NREP: variants seen among roughly 807,000 people sequenced by gnomAD.
NREP encodes the protein neuronal regeneration related protein, also known as neuronal regeneration-related protein.
Under a neutral mutation model 8.6 loss-of-function variants are expected in NREP, and 5 were observed. That is an observed-to-expected ratio of 0.58 (90% CI 0.30 to 1.22). The LOEUF (loss-of-function observed/expected upper bound fraction) is 1.22. Ranked by LOEUF, NREP falls within the 50% of genes most tolerant of loss-of-function variation. NREP has a pLI of 0.07. For missense variants in NREP, 86 were observed against 82.5 expected (o/e 1.04, Z -0.17); for synonymous variants, 27 against 28.0 (o/e 0.96, Z 0.11).
chr5:111,759,175 C>G (rs1314685035), upstream of NREP, among the ~76,000 whole-genome samples: 2 of 152,144 alleles, frequency 1.3e-5, no homozygotes, highest in Non-Finnish European at 2.9e-5. Context: ...CAACACGCTG[C>G]TCAAGGGCAC....
At chr5:111,908,740 C>A (rs1207424206) in intron 2 of NREP, among the ~76,000 whole-genome samples, 1 of 151,914 alleles carries the variant, frequency 6.6e-6, no homozygotes, top group Non-Finnish European at 1.5e-5. Flanking sequence ...TAAACATACA[C>A]GTGAATGTAT....
At chr5:111,761,961 AG>A (rs1227843376), upstream of NREP, among the ~76,000 whole-genome samples, 5 of 152,184 alleles carry the variant, frequency 3.3e-5, no homozygotes, top group Non-Finnish European at 7.4e-5. Flanking sequence ...TTTCCAGGGA[AG>A]GTTATTCTGA....
chr5:111,790,347 C>CTTTTTTTTTTTTTTTTTTTTTTTTTTTTT (rs57775701), intron 2 of NREP, among the ~76,000 whole-genome samples: 17 of 59,594 alleles, frequency 2.9e-4, no homozygotes, highest in African/African-American at 3.5e-4. Context: ...AAAACCTTAA[C>CTTTTTTTTTTTTTTTTTTTTTTTTTTTTT]TTTTTTTTTT....
At chr5:111,967,542 G>C (rs1285365866) in intron 2 of NREP, among the ~76,000 whole-genome samples, 1 of 152,106 alleles carries the variant, frequency 6.6e-6, no homozygotes, top group Non-Finnish European at 1.5e-5. Flanking sequence ...TCACTTTTAT[G>C]ATTTTACCTT....
At position 111,847,283 on chromosome 5, in the gene NREP, T is replaced by C. The variant is rs552229035; in HGVS notation, c.136-111776A>G. Among the ~76,000 whole-genome samples, 201 of 152,260 alleles carry C rather than the reference T, an allele frequency of 1.3e-3. 2 individuals are homozygous for C. The highest frequency in any genetic ancestry group is 4.7e-3 in the African/African-American group (195 of 41,552). On this transcript the variant is annotated intron_variant, in intron 2 of 3. Coordinates refer to the NREP transcript ENST00000395634. ...TGAGGGTCCTCTTCCTGTTATATCC[T>C]TTCATGGCCTTTCCTTAGTGCATGC...
At chr5:111,759,964 C>G (rs1750923074), upstream of NREP, among the ~76,000 whole-genome samples, 1 of 152,210 alleles carries the variant, frequency 6.6e-6, no homozygotes, top group African/African-American at 2.4e-5. Flanking sequence ...TCATCTCTCT[C>G]TCAATCATAG....
chr5:111,820,027 C>T (rs1752480423), intron 2 of NREP, among the ~76,000 whole-genome samples: 1 of 152,128 alleles, frequency 6.6e-6, no homozygotes, highest in Non-Finnish European at 1.5e-5. Flanking sequence ...TTTTTGAGCT[C>T]TCCTCTCAAC....
In NREP at chr5:111,952,941, T is replaced by C. The variant is rs538427765; in HGVS notation, c.135+22333A>G. 4.6e-5 allele frequency among the ~76,000 whole-genome samples: 7 copies of C among 152,220 alleles called. No individual in the cohort carries two copies. The East Asian group carries it at 9.7e-4, about 21-fold the overall frequency. On this transcript the variant is annotated intron_variant, in intron 2 of 3. Transcript: ENST00000395634. ...TTTACTTGATACCTTGCTTGTACTGTTTTTACCACATGCATGCATTATTTG... is the reference window on the plus strand; with the variant it reads ...TTTACTTGATACCTTGCTTGTACTGCTTTTACCACATGCATGCATTATTTG...
At chr5:111,792,142 T>G (rs1320073945) in intron 2 of NREP, among the ~76,000 whole-genome samples, 1 of 152,216 alleles carries the variant, frequency 6.6e-6, no homozygotes, top group Non-Finnish European at 1.5e-5. Context: ...TTTGACAGGC[T>G]GACAATAAGA....
intron 2 of NREP, among the ~76,000 whole-genome samples, chr5:111,867,095 C>T (rs1472150094): frequency 3.3e-5 from 5 of 149,828 alleles, no homozygotes; most frequent in African/African-American, 7.4e-5. Context: ...TGTATACATA[C>T]GTAACTAACC....
chr5:111,743,801 G>A (rs1243069080), intron 2 of NREP, among the ~76,000 whole-genome samples: 5 of 152,028 alleles, frequency 3.3e-5, no homozygotes, highest in Non-Finnish European at 4.4e-5. Flanking sequence ...TTGCTATGCC[G>A]AGTTTCACCT....
At chr5:111,922,230 T>C (rs1755260168) in intron 2 of NREP, among the ~76,000 whole-genome samples, 1 of 152,134 alleles carries the variant, frequency 6.6e-6, no homozygotes, top group South Asian at 2.1e-4. Flanking sequence ...GTCATTTTTT[T>C]CTACCTTTCT....
intron 2 of NREP, among the ~76,000 whole-genome samples, chr5:111,753,342 A>G (rs1365688560): frequency 6.8e-6 from 1 of 147,324 alleles, no homozygotes; most frequent in Non-Finnish European, 1.5e-5. Context: ...ATATATATAT[A>G]TATATATATA....
intron 2 of NREP, among the ~76,000 whole-genome samples, chr5:111,768,537 C>A (rs1218119610): frequency 1.3e-5 from 2 of 152,086 alleles, no homozygotes; most frequent in African/African-American, 4.8e-5. Flanking sequence ...CTCTAGTAGT[C>A]CCTAGTGTCT....
intron 2 of NREP, among the ~76,000 whole-genome samples, chr5:111,824,965 T>C (rs916195488): frequency 2.6e-5 from 4 of 152,182 alleles, no homozygotes; most frequent in African/African-American, 9.7e-5. Context: ...TATGTTGTTA[T>C]GTGTGTTGTG....
At chr5:111,798,060 T>G (rs1025119630) in intron 2 of NREP, among the ~76,000 whole-genome samples, 4 of 152,190 alleles carry the variant, frequency 2.6e-5, no homozygotes, top group Admixed American at 2.6e-4. Context: ...AATTAGATAG[T>G]TATTCAGTTT....
At chr5:111,834,800 T>C (rs1374984940) in intron 2 of NREP, among the ~76,000 whole-genome samples, 1 of 152,094 alleles carries the variant, frequency 6.6e-6, no homozygotes, top group African/African-American at 2.4e-5. Flanking sequence ...AGATAATTTT[T>C]CCCCCCAGTT....
intron 2 of NREP, among the ~76,000 whole-genome samples, chr5:111,752,198 T>TA (rs1750404519): frequency 6.6e-6 from 1 of 152,166 alleles, no homozygotes; most frequent in African/African-American, 2.4e-5. Flanking sequence ...TGTATCAGGT[T>TA]AAAATGGAAT....
chr5:111,929,028 G>T (rs1755467839), intron 2 of NREP, among the ~76,000 whole-genome samples: 1 of 151,988 alleles, frequency 6.6e-6, no homozygotes, highest in South Asian at 2.1e-4. Flanking sequence ...TTTATATCTA[G>T]TGTTTTAGCA....
Sources: allele counts gnomAD v4.1 joint callset (sites outside exome capture counted in the v4.1 genomes callset), GRCh38; gene constraint gnomAD v4.1.1; transcripts MANE v1.5; gene names NCBI Gene and HGNC (gene_info 2026-07-23, HGNC 2026-07-21).